Variants in PLXNA1 observed in about 807,000 individuals in gnomAD.
PLXNA1 encodes the protein plexin-A1.
PLXNA1 carries 77 observed loss-of-function variants against 191.7 expected under a neutral mutation model. The ratio of observed to expected loss-of-function variants is 0.40; its 90% CI spans 0.33 to 0.49. The LOEUF is 0.49. Ranked by LOEUF, PLXNA1 falls within the 20% of genes least tolerant of loss-of-function variation. The pLI is 0.63. For missense variants in PLXNA1, 2,110 were observed against 2,660.2 expected, an observed-to-expected ratio of 0.79 and a Z score of 4.55; for synonymous variants, 1,137 against 1,156.4, an observed-to-expected ratio of 0.98 and a Z score of 0.34.
In PLXNA1 at chr3:126,991,527, T is replaced by A. The variant is rs577440731; in HGVS notation, c.1338T>A (p.Thr446=). 1 of 1,604,442 alleles carries A rather than the reference T, an allele frequency of 6.2e-7. No homozygotes were observed. The highest frequency in any genetic ancestry group is 1.7e-5 in the Admixed American group (1 of 59,590). Reference sequence around the variant, plus strand: ...CTGCCTATGACTATCGGGGCCGCACTGTGGTATTCGCCGGCACGCGAAGTG... The same window carrying A: ...CTGCCTATGACTATCGGGGCCGCACAGTGGTATTCGCCGGCACGCGAAGTG... The part of the protein sequence containing the change: ...AVAAYDYRGR[T]VVFAGTRSGR... Residue 446 remains threonine, a synonymous_variant, in exon 3 of 32, where the codon ACT becomes ACA. Transcript: ENST00000393409.
At chr3:127,029,117 C>T in intron 26 of PLXNA1, 21 bp downstream of exon 26, 1 of 1,583,842 alleles carries the variant, frequency 6.3e-7, no homozygotes, top group Non-Finnish European at 8.7e-7. Context: ...GCCCTCCGAC[C>T]CTAGCACAGG....
chr3:127,001,560 CGTG>C (rs1441480764), intron 3 of PLXNA1, among the ~76,000 whole-genome samples: 1 of 152,170 alleles, frequency 6.6e-6, no homozygotes, highest in Admixed American at 6.5e-5. Context: ...TGAGAGGAAT[CGTG>C]GTCCCTAACC....
chr3:127,023,624 C>T (rs2079162867), intron 23 of PLXNA1, among the ~76,000 whole-genome samples: 1 of 152,224 alleles, frequency 6.6e-6, no homozygotes, highest in South Asian at 2.1e-4. Context: ...CTTATGGAAT[C>T]CAGGGATGGC....
At chr3:127,029,733 T>C (rs1420509493) in intron 27 of PLXNA1, 141 bp from the exon 28 acceptor site, 15 of 1,120,768 alleles carry the variant, frequency 1.3e-5, no homozygotes, top group Non-Finnish European at 1.9e-5. Flanking sequence ...TACACAATTA[T>C]GCCACCTCTG....
At position 126,991,560 on chromosome 3, in the gene PLXNA1, C is replaced by T. The variant is rs2078990807; in HGVS notation, c.1371C>T (p.Ile457=). ...VVFAGTRSGR[I]RKILVDLSNP... ...TCGCCGGCACGCGAAGTGGCCGCATCCGCAAGGTCAGGCCTGGGTGGGGTG... is the reference window on the plus strand; with the variant it reads ...TCGCCGGCACGCGAAGTGGCCGCATTCGCAAGGTCAGGCCTGGGTGGGGTG... Residue 457 remains isoleucine, a synonymous_variant, in exon 3 of 32, where the codon ATC becomes ATT. Transcript: ENST00000393409. 6.4e-7 allele frequency: 1 copy of T among 1,573,664 alleles called. No homozygotes were observed. The highest frequency in any genetic ancestry group is 8.7e-7 in the Non-Finnish European group (1 of 1,155,412).
At chr3:127,004,767 TGGGGG>T in intron 5 of PLXNA1, 56 bp downstream of exon 5, 1 of 1,589,124 alleles carries the variant, frequency 6.3e-7, no homozygotes. Context: ...GGTCTCACAG[TGGGGG>T]AGGGGGAGCC....
At chr3:127,028,817 G>GTGGCACATTGCAGGGGACTA (rs1195976459) in intron 25 of PLXNA1, 176 bp from the exon 26 acceptor site, 1 of 601,012 alleles carries the variant, frequency 1.7e-6, no homozygotes, top group African/African-American at 1.9e-5. Flanking sequence ...TGGGAGGGCT[G>GTGGCACATTGCAGGGGACTA]TGGCACATTG....
chr3:127,032,431 T>A lies in PLXNA1; in HGVS notation c.5276T>A (p.Phe1759Tyr). Residue 1759 changes from phenylalanine (F) to tyrosine (Y), a missense_variant, in exon 30 of 32, where the codon TTT becomes TAT. Physicochemically the swap from Phe to Tyr is conservative, Grantham distance 22. Around this residue, in one of 4 missense-constraint regions of PLXNA1, gnomAD observed 559 missense variants for 911.5 expected, o/e 0.61. Coordinates refer to ENST00000393409, the MANE Select transcript of PLXNA1 (RefSeq NM_032242.4). ...GTGAACGTGATCAAGAACCCACAGT[T>A]TGTGTTCGACATTCACAAGAACAGC... ...FWVNVIKNPQ[F>Y]VFDIHKNSIT... is the part of the protein sequence containing the mutation. The A allele has an allele frequency of 1.2e-6, 2 of 1,613,832 alleles. No individual in the cohort carries two copies. The highest frequency in any genetic ancestry group is 2.2e-5 in the South Asian group (2 of 91,058).
intron 21 of PLXNA1, among the ~76,000 whole-genome samples, chr3:127,020,959 C>A (rs369132868): frequency 6.6e-6 from 1 of 152,228 alleles, no homozygotes; most frequent in African/African-American, 2.4e-5. Context: ...AGGGCTGGCT[C>A]CCACACCCCT....
At position 127,014,979 on chromosome 3, in the gene PLXNA1, C is replaced by G. The variant is rs994713611; in HGVS notation, c.2877+148C>G. ...TGGGTGCTGCCCCTCCCCTCCTGTG[C>G]CTAGGCCAGCTCCAGGGCTCCCTGG... On this transcript the variant is annotated intron_variant, in intron 14 of 31. Transcript: ENST00000393409. 3 of 1,391,626 alleles carry G rather than the reference C, an allele frequency of 2.2e-6. No individual in the cohort carries two copies. The African/African-American group carries it at 4.3e-5, about 20-fold the overall frequency. The allele number at this position is 1,391,626 out of a possible 1,614,324, so 86.2% of individuals were successfully genotyped here.
rs1480717932 is a variant in PLXNA1 at position 127,007,628 on chromosome 3, G to C, written c.1998-171G>C. Among the ~76,000 whole-genome samples the C allele has an allele frequency of 3.3e-5, 5 of 152,114 alleles. No homozygotes were observed. The South Asian group carries it at 6.2e-4, about 19-fold the overall frequency. On this transcript the variant is annotated intron_variant, in intron 8 of 31. Coordinates refer to ENST00000393409, the MANE Select transcript of PLXNA1 (RefSeq NM_032242.4). ...CGGGGAGGTGTGAGGAGGCAGAGAG[G>C]CAGCCACATTCAGGTTTGGGGGAAG...
chr3:126,985,432 C>T (rs2078953452), intron 1 of PLXNA1, among the ~76,000 whole-genome samples: 1 of 152,152 alleles, frequency 6.6e-6, no homozygotes, highest in African/African-American at 2.4e-5. Flanking sequence ...GAGCCACAGC[C>T]GTTCCTACTG....
intron 31 of PLXNA1, among the ~76,000 whole-genome samples, 196 bp downstream of exon 31, chr3:127,033,032 T>TG (rs749061609): frequency 1.2e-4 from 18 of 152,268 alleles, no homozygotes; most frequent in Non-Finnish European, 2.2e-4. Flanking sequence ...GAGAAGGCCG[T>TG]GGTGGAGTCA....
intron 3 of PLXNA1, among the ~76,000 whole-genome samples, chr3:126,998,352 A>G (rs974366936): frequency 2.6e-5 from 4 of 152,080 alleles, no homozygotes; most frequent in Non-Finnish European, 5.9e-5. Flanking sequence ...CACAGGATGG[A>G]GGAGAGAGGG....
intron 4 of PLXNA1, among the ~76,000 whole-genome samples, chr3:127,004,192 G>A (rs1164305298): frequency 6.6e-6 from 1 of 152,230 alleles, no homozygotes; most frequent in African/African-American, 2.4e-5. Context: ...ATGCTGGGCT[G>A]AGCCAAGGAG....
chr3:126,991,348 C>T, intron 2 of PLXNA1, 36 bp from the exon 3 acceptor site: 1 of 1,596,626 alleles, frequency 6.3e-7, no homozygotes, highest in Middle Eastern at 1.8e-4. Flanking sequence ...GGAGAAGGTG[C>T]CCGGGGAGTG....
intron 20 of PLXNA1, among the ~76,000 whole-genome samples, chr3:127,019,440 T>C (rs2079141946): frequency 6.6e-6 from 1 of 152,202 alleles, no homozygotes; most frequent in Non-Finnish European, 1.5e-5. Flanking sequence ...GCAGGTGGCC[T>C]GGACCTCCCT....
At chr3:127,004,741 C>T (rs374520555) in intron 5 of PLXNA1, 30 bp downstream of exon 5, 70 of 1,574,928 alleles carry the variant, frequency 4.4e-5, no homozygotes, top group Admixed American at 3.2e-4. Context: ...CAGGGGCAGG[C>T]GGGGAGGGCC....
At chr3:126,996,251 C>T (rs2079014517) in intron 3 of PLXNA1, among the ~76,000 whole-genome samples, 1 of 152,162 alleles carries the variant, frequency 6.6e-6, no homozygotes, top group Non-Finnish European at 1.5e-5. Context: ...GCCCGGCCAT[C>T]TTCCTCTCTG....
Sources: allele counts gnomAD v4.1 joint callset (sites outside exome capture counted in the v4.1 genomes callset), GRCh38; gene constraint gnomAD v4.1.1; regional missense constraint gnomAD v4.1.1; transcripts MANE v1.5; gene names NCBI Gene and HGNC (gene_info 2026-07-23, HGNC 2026-07-21).